SH3D19: variants seen among roughly 807,000 people sequenced by gnomAD.
The protein encoded by SH3D19 is SH3 domain-containing protein 19.
Under a neutral mutation model 112.1 loss-of-function variants are expected in SH3D19, and 58 were observed. The ratio of observed to expected loss-of-function variants is 0.52; its 90% confidence interval spans 0.42 to 0.64. The LOEUF (loss-of-function observed/expected upper bound fraction) is 0.64, where lower values mean the gene tolerates loss of function less well. Ranked by LOEUF, SH3D19 falls within the 30% of genes least tolerant of loss-of-function variation. The pLI, the probability that SH3D19 is intolerant of heterozygous loss-of-function variation, is 0.00. For synonymous variants in SH3D19, 391 were observed against 448.5 expected, an observed-to-expected ratio of 0.87 and a Z score of 1.62; for missense variants, 1,090 against 1,263.4, an observed-to-expected ratio of 0.86 and a Z score of 2.08.
At chr4:151,260,670 T>C (rs1374345799) in intron 1 of SH3D19, among the ~76,000 whole-genome samples, 2 of 152,180 alleles carry the variant, frequency 1.3e-5, no homozygotes, top group African/African-American at 2.4e-5. Context: ...CCCAGGCACC[T>C]ATAATAAAAC....
In SH3D19 at chr4:151,121,991, TTC is replaced by T; in HGVS notation, c.*98_*99del. 1.5e-6 allele frequency: 1 copy of T among 688,952 alleles called. No individual in the cohort carries two copies. The highest frequency in any genetic ancestry group is 2.6e-6 in the Non-Finnish European group (1 of 388,746). The allele number at this position is 688,952 out of a possible 1,614,324, so 42.7% of individuals were successfully genotyped here. A position where few individuals can be genotyped will look rare whatever the true frequency, so the allele number is the denominator to read the frequency against. On this transcript the variant is annotated 3_prime_UTR_variant, in exon 20 of 20. Coordinates refer to ENST00000604030, the MANE Select transcript of SH3D19 (RefSeq NM_001378122.1). ...AGTGTACCATGTACAGCTTAGATAT[TTC>T]TTTTTCAGTTAAAAAAAATAGTGCA... is the stretch of plus-strand genomic sequence containing the variant.
At chr4:151,135,160 T>C in intron 14 of SH3D19, 28 bp from the exon 15 acceptor site, 1 of 1,543,352 alleles carries the variant, frequency 6.5e-7, no homozygotes, top group Non-Finnish European at 8.8e-7. Context: ...AAGGCAACAA[T>C]TATATTTTTT....
intron 1 of SH3D19, among the ~76,000 whole-genome samples, chr4:151,256,983 C>A (rs1433369307): frequency 6.6e-6 from 1 of 152,150 alleles, no homozygotes; most frequent in Non-Finnish European, 1.5e-5. Flanking sequence ...TTCAAGTGAT[C>A]TGCCTGCCTC....
intron 1 of SH3D19, among the ~76,000 whole-genome samples, chr4:151,319,173 C>T (rs977863649): frequency 1.3e-5 from 2 of 152,170 alleles, no homozygotes; most frequent in Admixed American, 6.5e-5. Flanking sequence ...CTCAGGCTCC[C>T]GAGTAGCTGG....
At chr4:151,156,195 C>T (rs1360406452) in intron 9 of SH3D19, among the ~76,000 whole-genome samples, 1 of 152,142 alleles carries the variant, frequency 6.6e-6, no homozygotes, top group East Asian at 1.9e-4. Flanking sequence ...AACAAACAGA[C>T]ATTCTATATT....
intron 2 of SH3D19, among the ~76,000 whole-genome samples, chr4:151,214,801 CTGGCGGGGGCT>C (rs1421615761): frequency 2.3e-5 from 3 of 131,780 alleles, no homozygotes; most frequent in East Asian, 2.6e-4. Flanking sequence ...AGCGCCTGGC[CTGGCGGGGGCT>C]GACCCCCACC....
intron 18 of SH3D19, 37 bp from the exon 19 acceptor site, chr4:151,127,752 CA>C: frequency 1.6e-6 from 2 of 1,219,888 alleles, no homozygotes; most frequent in Non-Finnish European, 2.3e-6. Context: ...TATAGAAACA[CA>C]GTGGACTAAA....
At position 151,254,778 on chromosome 4, in the gene SH3D19, C is replaced by G. The variant is rs1394081697; in HGVS notation, c.113-28692G>C. On this transcript the variant is annotated intron_variant, in intron 1 of 19. Coordinates refer to ENST00000604030, the MANE Select transcript of SH3D19 (RefSeq NM_001378122.1). Reference sequence around the variant, plus strand: ...CTCAATCTTTTCCCCACCTTTCCCGCCTTTCTATTCCACAAAGCCGCCATT... The same window carrying G: ...CTCAATCTTTTCCCCACCTTTCCCGGCTTTCTATTCCACAAAGCCGCCATT... Among the ~76,000 whole-genome samples the G allele has an allele frequency of 3.3e-5, 5 of 151,552 alleles. No individual in the cohort carries two copies. In the South Asian group the frequency reaches 8.4e-4, roughly 25 times the overall value.
intron 1 of SH3D19, chr4:151,282,981 A>G: frequency 2.9e-6 from 2 of 680,720 alleles, no homozygotes; most frequent in South Asian, 4.8e-5. Flanking sequence ...AGATCCACCC[A>G]TAAGCAAATA....
chr4:151,262,440 T>C (rs1232620672), intron 1 of SH3D19: 1 of 152,242 alleles, frequency 6.6e-6, no homozygotes, highest in Non-Finnish European at 1.5e-5. Flanking sequence ...AGTGAAGCTA[T>C]GATCTGCTCC....
intron 3 of SH3D19, among the ~76,000 whole-genome samples, chr4:151,185,039 T>C (rs1377276509): frequency 1.4e-5 from 1 of 72,548 alleles, no homozygotes; most frequent in Non-Finnish European, 2.6e-5. Context: ...AGCTGTGTCC[T>C]GTTTTTTTTT....
chr4:151,209,162 G>A (rs1365379352), intron 2 of SH3D19, among the ~76,000 whole-genome samples: 2 of 152,086 alleles, frequency 1.3e-5, no homozygotes, highest in Non-Finnish European at 2.9e-5. Context: ...CTCCCAAGTG[G>A]TGAAGCTGGG....
In SH3D19 at chr4:151,120,350, C is replaced by G. The variant is rs1046168; in HGVS notation, c.*1741G>C. The G allele has an allele frequency of 0.87, 132,090 of 152,598 alleles. 57,854 individuals are homozygous for G. The highest frequency in any genetic ancestry group is 0.95 in the Non-Finnish European group (64,404 of 68,030). The allele number at this position is 152,598 out of a possible 1,614,324, so 9.5% of individuals were successfully genotyped here. ...TACAACTATTGCACTTATCATTCTG[C>G]TGACAGAAGGCCAAAACTGAAGATT... On this transcript the variant is annotated 3_prime_UTR_variant, in exon 20 of 20. Coordinates refer to ENST00000604030, the MANE Select transcript of SH3D19 (RefSeq NM_001378122.1).
intron 11 of SH3D19, chr4:151,144,291 T>C (rs117231524): frequency 1.2e-6 from 2 of 1,613,388 alleles, no homozygotes; most frequent in East Asian, 4.5e-5. Context: ...ACAGACAGCT[T>C]AAACGTAAAC....
At chr4:151,273,417 C>T (rs927487387) in intron 1 of SH3D19, among the ~76,000 whole-genome samples, 33 of 151,514 alleles carry the variant, frequency 2.2e-4, no homozygotes, top group African/African-American at 6.6e-4. Flanking sequence ...GGTGAAAACC[C>T]GTCTCTACTA....
intron 17 of SH3D19, among the ~76,000 whole-genome samples, chr4:151,128,564 A>C (rs1451651182): frequency 6.6e-6 from 1 of 152,228 alleles, no homozygotes; most frequent in Non-Finnish European, 1.5e-5. Flanking sequence ...TTATAACTCT[A>C]AATGACAAGT....
intron 2 of SH3D19, among the ~76,000 whole-genome samples, chr4:151,216,276 A>G (rs887206378): frequency 3.3e-5 from 5 of 152,246 alleles, no homozygotes; most frequent in African/African-American, 1.2e-4. Context: ...TCTGTGGCGT[A>G]CAGTCCTAAT....
At chr4:151,127,239 T>C (rs1749613812) in intron 19 of SH3D19, among the ~76,000 whole-genome samples, 3 of 152,194 alleles carry the variant, frequency 2.0e-5, no homozygotes, top group Non-Finnish European at 4.4e-5. Flanking sequence ...TATCTGATTC[T>C]CCATCAATTT....
Position 151,325,379 on chromosome 4 carries a change from G to T in SH3D19, c.-27C>A, listed in dbSNP as rs1253002781. On this transcript the variant is annotated 5_prime_UTR_variant, in exon 1 of 20. Coordinates refer to ENST00000604030, the MANE Select transcript of SH3D19 (RefSeq NM_001378122.1). ...GGCGAGGCGCGGGGCGCAGCCGCGG[G>T]ATGGCCAGCGAGCTGCGGCCCCGGC... 1.7e-6 allele frequency: 2 copies of T among 1,144,484 alleles called. No individual in the cohort carries two copies. The highest frequency in any genetic ancestry group is 1.6e-5 in the African/African-American group (1 of 61,902). 70.9% of individuals were successfully genotyped at this position (1,144,484 alleles called of 1,614,324 possible).
Sources: allele counts gnomAD v4.1 joint callset (sites outside exome capture counted in the v4.1 genomes callset), GRCh38; gene constraint gnomAD v4.1.1; transcripts MANE v1.5; gene names NCBI Gene and HGNC (gene_info 2026-07-23, HGNC 2026-07-21).